INPP4A: variants seen among roughly 807,000 people sequenced by gnomAD.
The protein encoded by INPP4A is inositol polyphosphate-4-phosphatase type I A, also known as inositol polyphosphate-4-phosphatase, type I, 107kD.
INPP4A carries 33 observed loss-of-function variants against 119.8 expected under a neutral mutation model. The observed-to-expected ratio is 0.28, with a 90% CI of 0.21 to 0.37. The LOEUF is 0.37. INPP4A is among the 10% of genes least tolerant of loss of function. The pLI, the probability that INPP4A is intolerant of heterozygous loss-of-function variation, is 1.00. For missense variants in INPP4A, 956 were observed against 1,289.9 expected (o/e 0.74, Z 3.97); for synonymous variants, 496 against 500.7 (o/e 0.99, Z 0.12).
Position 98,563,584 on chromosome 2 carries a change from A to G in INPP4A, c.1975A>G (p.Ile659Val), listed in dbSNP as rs1394782344. 7.4e-6 allele frequency: 12 copies of G among 1,613,520 alleles called. No individual in the cohort carries two copies. Among genetic ancestry groups the G allele is most frequent in the African/African-American group, 1.3e-5 (1 of 74,910 alleles). Residue 659 changes from isoleucine to valine, a missense_variant, in exon 18 of 25, where the codon ATA becomes GTA. Around this residue, in one of 2 missense-constraint regions of INPP4A, gnomAD observed 304 missense variants for 492.1 expected, o/e 0.62. Coordinates refer to ENST00000409851, the MANE Select transcript of INPP4A (RefSeq NM_001134225.2). ...GCTCATGCAGGACAGCGCGCCCACC[A>G]TAGCCACCTACCTGAGCCTGCAGTA... is the stretch of plus-strand genomic sequence containing the variant. ...FLLMQDSAPTIATYLSLQYRR... is the reference protein window; with the variant it reads ...FLLMQDSAPTVATYLSLQYRR...
intron 1 of INPP4A, among the ~76,000 whole-genome samples, chr2:98,486,903 G>A (rs1442808793): frequency 1.3e-5 from 2 of 152,222 alleles, no homozygotes; most frequent in Non-Finnish European, 1.5e-5. Context: ...AATGTGCAGT[G>A]ATTGGCGCCT....
chr2:98,540,622 G>A (rs1691243272), intron 10 of INPP4A, among the ~76,000 whole-genome samples: 1 of 152,196 alleles, frequency 6.6e-6, no homozygotes, highest in South Asian at 2.1e-4. Flanking sequence ...CATGGTACTG[G>A]CATCTGGGGA....
At chr2:98,545,153 C>T (rs1312704062) in intron 11 of INPP4A, among the ~76,000 whole-genome samples, 3 of 152,172 alleles carry the variant, frequency 2.0e-5, no homozygotes, top group African/African-American at 7.2e-5. Flanking sequence ...GAGCAGTCTC[C>T]TATGGCAAAT....
At chr2:98,545,896 C>T in intron 11 of INPP4A, 73 bp from the exon 12 acceptor site, 1 of 1,091,500 alleles carries the variant, frequency 9.2e-7, no homozygotes, top group Non-Finnish European at 1.3e-6. Context: ...CTCTGAATTC[C>T]ATTTTCTACT....
At chr2:98,542,422 TAA>T (rs371048994) in intron 10 of INPP4A, among the ~76,000 whole-genome samples, 1 of 150,040 alleles carries the variant, frequency 6.7e-6, no homozygotes, top group African/African-American at 2.4e-5. Context: ...GAGTGCAGTA[TAA>T]AAAAAAAATT....
chr2:98,530,535 T>TAC (rs1689027737), intron 4 of INPP4A, among the ~76,000 whole-genome samples: 1 of 152,192 alleles, frequency 6.6e-6, no homozygotes, highest in Non-Finnish European at 1.5e-5. Context: ...TCATAGGGAC[T>TAC]ACAGGTTCAT....
intron 1 of INPP4A, among the ~76,000 whole-genome samples, chr2:98,448,885 T>C (rs1694743766): frequency 6.6e-6 from 1 of 152,072 alleles, no homozygotes; most frequent in Non-Finnish European, 1.5e-5. Context: ...AAATATTTTA[T>C]AGGGGCTGGA....
intron 13 of INPP4A, among the ~76,000 whole-genome samples, chr2:98,547,793 C>T (rs1376389362): frequency 6.6e-6 from 1 of 151,846 alleles, no homozygotes; most frequent in Admixed American, 6.6e-5. Flanking sequence ...GGTGGGGCTG[C>T]AGAGAGATGT....
intron 14 of INPP4A, 71 bp downstream of exon 14, chr2:98,553,040 A>G: frequency 5.6e-6 from 7 of 1,258,768 alleles, no homozygotes; most frequent in Non-Finnish European, 7.8e-6. Flanking sequence ...CAGGCAGCCC[A>G]GGTGTACCTA....
chr2:98,465,774 A>G (rs1250343273), intron 1 of INPP4A, among the ~76,000 whole-genome samples: 1 of 152,154 alleles, frequency 6.6e-6, no homozygotes, highest in African/African-American at 2.4e-5. Flanking sequence ...GTTTGAAAAA[A>G]GAGTTTTTCA....
intron 1 of INPP4A, among the ~76,000 whole-genome samples, chr2:98,477,013 C>T (rs1381549499): frequency 6.6e-6 from 1 of 152,166 alleles, no homozygotes; most frequent in African/African-American, 2.4e-5. Context: ...ATGGGCTTAG[C>T]AGGAGTGGTA....
In INPP4A at chr2:98,537,846, C is replaced by T. The variant is rs781406983; in HGVS notation, c.468-17C>T. The T allele has an allele frequency of 1.0e-5, 16 of 1,555,742 alleles. No homozygotes were observed. In the South Asian group the frequency reaches 1.5e-4, roughly 14 times the overall value. ...ACAGTTGCAGCACCACTCATTAAAG[C>T]ATGTTGTGCATCACAGGTCTGCAGA... On this transcript the variant is annotated splice_polypyrimidine_tract_variant and intron_variant, in intron 7 of 24. Transcript: ENST00000409851.
chr2:98,493,044 A>G (rs1003414741), intron 1 of INPP4A, among the ~76,000 whole-genome samples: 5 of 152,218 alleles, frequency 3.3e-5, no homozygotes, highest in Non-Finnish European at 2.9e-5. Flanking sequence ...CCAGCTGCCC[A>G]TCAGGTGGAC....
At chr2:98,455,337 C>T (rs1436897956) in intron 1 of INPP4A, among the ~76,000 whole-genome samples, 1 of 150,866 alleles carries the variant, frequency 6.6e-6, no homozygotes, top group Admixed American at 6.6e-5. Flanking sequence ...GACCCTGTCT[C>T]TACAAAAAAA....
chr2:98,567,044 G>T (rs547155758), intron 21 of INPP4A, among the ~76,000 whole-genome samples: 5 of 152,324 alleles, frequency 3.3e-5, no homozygotes, highest in Non-Finnish European at 5.9e-5. Context: ...AGGAAATATG[G>T]TATCATTGCT....
At chr2:98,479,582 C>T (rs574985584) in intron 1 of INPP4A, among the ~76,000 whole-genome samples, 11 of 152,140 alleles carry the variant, frequency 7.2e-5, no homozygotes, top group Non-Finnish European at 1.6e-4. Context: ...ACAGAACCCA[C>T]GTATAACCTG....
At chr2:98,532,912 TC>T (rs1432698066) in intron 4 of INPP4A, among the ~76,000 whole-genome samples, 23 of 152,308 alleles carry the variant, frequency 1.5e-4, no homozygotes, top group Admixed American at 1.1e-3. Context: ...TCTTCCAGCA[TC>T]CATCCATCCA....
At chr2:98,452,004 G>A (rs1015075745) in intron 1 of INPP4A, among the ~76,000 whole-genome samples, 1 of 152,170 alleles carries the variant, frequency 6.6e-6, no homozygotes, top group African/African-American at 2.4e-5. Context: ...CAAGGACCTC[G>A]ATTCTGCTCC....
intron 1 of INPP4A, among the ~76,000 whole-genome samples, chr2:98,446,891 T>G (rs1384757412): frequency 6.6e-6 from 1 of 152,134 alleles, no homozygotes; most frequent in African/African-American, 2.4e-5. Context: ...TGAAATAAAA[T>G]AATACACGAG....
Sources: gnomAD v4.1 joint callset for allele counts (sites outside exome capture counted in the v4.1 genomes callset) on GRCh38, gnomAD v4.1.1 for gene constraint, gnomAD v4.1.1 regional missense constraint, MANE v1.5 for transcripts, NCBI Gene and HGNC (gene_info 2026-07-23, HGNC 2026-07-21) for gene names.